The following CSMD2 variants were observed in gnomAD, a reference collection of about 807,000 sequenced individuals.
The protein encoded by CSMD2 is CUB and Sushi multiple domains 2, also known as CUB and sushi domain-containing protein 2.
Under a neutral mutation model 398.5 loss-of-function variants are expected in CSMD2, and 130 were observed. The observed-to-expected ratio is 0.33, with a 90% CI of 0.28 to 0.38. The LOEUF (loss-of-function observed/expected upper bound fraction) is 0.38. Among genes scored for constraint, CSMD2 ranks in the 10% least tolerant of loss-of-function variants. The pLI is 1.00. For synonymous variants in CSMD2, 1,828 were observed against 1,908.5 expected (o/e 0.96, Z 1.10); for missense variants, 3,829 against 4,764.9 (o/e 0.80, Z 5.78).
At chr1:33,969,037 G>T (rs1174032816) in intron 3 of CSMD2, among the ~76,000 whole-genome samples, 2 of 152,148 alleles carry the variant, frequency 1.3e-5, no homozygotes, top group Non-Finnish European at 2.9e-5. Flanking sequence ...AGTAGGTCCT[G>T]TAAGTCACTC....
Position 33,633,465 on chromosome 1 carries a change from G to A in CSMD2, c.5157C>T (p.Ser1719=). 1 of 1,554,598 alleles carries A rather than the reference G, an allele frequency of 6.4e-7. No individual in the cohort carries two copies. Among genetic ancestry groups the A allele is most frequent in the East Asian group, 2.4e-5 (1 of 41,310 alleles). The change falls in exon 32 of 71, where the codon AGC becomes AGT. Residue 1719 remains serine, a synonymous_variant. Transcript: ENST00000373381. The surrounding 1 kb of genome is among the most constrained non-coding windows in gnomAD (Gnocchi z 5.0). ...NDVVEVHDGH[S]QHSRLLSSLS... ...GGGAGCTGAGGAGCCGCGAGTGCTG[G>A]CTGTGGCCGTCGTGAACCTCCACCA...
chr1:34,017,756 C>T (rs1253920470), intron 3 of CSMD2, among the ~76,000 whole-genome samples: 1 of 152,134 alleles, frequency 6.6e-6, no homozygotes, highest in Non-Finnish European at 1.5e-5. Context: ...CTCCGTAAAA[C>T]AAAACAAAAC....
intron 12 of CSMD2, among the ~76,000 whole-genome samples, chr1:33,782,664 A>T (rs554105627): frequency 6.6e-6 from 1 of 152,170 alleles, no homozygotes. Context: ...GTACCTGATT[A>T]TGACTGAGTA....
chr1:33,921,898 G>A (rs555305523), intron 4 of CSMD2, among the ~76,000 whole-genome samples: 8 of 152,280 alleles, frequency 5.3e-5, no homozygotes, highest in African/African-American at 1.4e-4. Context: ...GGAGATCAGA[G>A]ACAGAGAATG....
intron 6 of CSMD2, among the ~76,000 whole-genome samples, chr1:33,840,464 T>C (rs2125063927): frequency 6.6e-6 from 1 of 152,256 alleles, no homozygotes; most frequent in African/African-American, 2.4e-5. Flanking sequence ...CAGACCTCTG[T>C]TGAAACCCCA....
chr1:33,950,502 A>G (rs1644975427), intron 3 of CSMD2, among the ~76,000 whole-genome samples: 1 of 151,884 alleles, frequency 6.6e-6, no homozygotes, highest in Admixed American at 6.5e-5. Flanking sequence ...TGTAAACTGC[A>G]TAACTATGAA....
At chr1:33,665,111 T>C (rs1478068698) in intron 25 of CSMD2, among the ~76,000 whole-genome samples, 1 of 152,240 alleles carries the variant, frequency 6.6e-6, no homozygotes, top group Non-Finnish European at 1.5e-5. Context: ...GCTTTCAAAT[T>C]CTTTATCCAT....
chr1:33,714,536 A>G lies in CSMD2; in HGVS notation c.3406+51T>C, dbSNP rs553163469. 1.1e-5 allele frequency: 18 copies of G among 1,582,888 alleles called. No individual in the cohort carries two copies. The African/African-American group carries it at 2.3e-4, about 20-fold the overall frequency. On this transcript the variant is annotated intron_variant, in intron 21 of 70. Coordinates refer to ENST00000373381, the MANE Select transcript of CSMD2 (RefSeq NM_001281956.2). ...CCACCACCTCACATCAATTGACTAT[A>G]ATCTGTCCCACCCCATTAGTGAAGC...
intron 27 of CSMD2, among the ~76,000 whole-genome samples, chr1:33,655,308 T>C (rs1303734495): frequency 6.6e-6 from 1 of 152,230 alleles, no homozygotes; most frequent in Non-Finnish European, 1.5e-5. Context: ...TGAGCCTCTA[T>C]TTCCTCATCT....
At chr1:34,131,987 C>T (rs1424851562) in intron 1 of CSMD2, among the ~76,000 whole-genome samples, 1 of 152,098 alleles carries the variant, frequency 6.6e-6, no homozygotes, top group Admixed American at 6.5e-5. Context: ...GGATTCCAAC[C>T]TCTCATGGGC....
chr1:33,830,327 A>C (rs1659382245), intron 6 of CSMD2, among the ~76,000 whole-genome samples: 1 of 152,162 alleles, frequency 6.6e-6, no homozygotes, highest in South Asian at 2.1e-4. Context: ...CAGAGGAATA[A>C]TCAGACAGCA....
At chr1:34,094,077 A>G (rs974139757) in intron 1 of CSMD2, among the ~76,000 whole-genome samples, 272 of 152,344 alleles carry the variant, frequency 1.8e-3, no homozygotes, top group African/African-American at 6.2e-3. Context: ...AAACCCTACA[A>G]GCCAGAAGAG....
At chr1:33,718,134 G>A (rs1348008049) in intron 19 of CSMD2, among the ~76,000 whole-genome samples, 1 of 152,164 alleles carries the variant, frequency 6.6e-6, no homozygotes, top group African/African-American at 2.4e-5. Context: ...CTAGTATGTG[G>A]TAGAGCTAGG....
chr1:33,785,551 T>A (rs1439585960), intron 12 of CSMD2, among the ~76,000 whole-genome samples: 2 of 152,172 alleles, frequency 1.3e-5, no homozygotes, highest in Non-Finnish European at 2.9e-5. Context: ...TTGTAAGCAA[T>A]GAATGAGATG....
chr1:33,611,002 G>A, intron 41 of CSMD2, 39 bp downstream of exon 41: 2 of 1,582,694 alleles, frequency 1.3e-6, no homozygotes, highest in Non-Finnish European at 1.7e-6. Context: ...AAGAGATGGA[G>A]ATAGACAGAG....
chr1:33,526,306 C>A (rs964340161), intron 65 of CSMD2, among the ~76,000 whole-genome samples: 6 of 152,272 alleles, frequency 3.9e-5, no homozygotes, highest in Admixed American at 3.9e-4. Flanking sequence ...CAAATGAAGT[C>A]AGACAGACCC....
chr1:33,701,358 T>G (rs1258547456), intron 22 of CSMD2, among the ~76,000 whole-genome samples: 2 of 152,236 alleles, frequency 1.3e-5, no homozygotes, highest in African/African-American at 4.8e-5. Context: ...CCTGAACTTC[T>G]TAGTACCAGC....
chr1:33,912,362 C>G (rs1643495151), intron 5 of CSMD2, among the ~76,000 whole-genome samples: 1 of 152,126 alleles, frequency 6.6e-6, no homozygotes, highest in African/African-American at 2.4e-5. Context: ...AGGATCTACA[C>G]AGAAATCCCA....
intron 1 of CSMD2, among the ~76,000 whole-genome samples, chr1:34,131,562 G>A (rs369190702): frequency 6.6e-6 from 1 of 152,032 alleles, no homozygotes; most frequent in Non-Finnish European, 1.5e-5. Flanking sequence ...CTAGCTTGAG[G>A]GGGGCTTACT....
Sources: gnomAD v4.1 joint callset for allele counts (sites outside exome capture counted in the v4.1 genomes callset) on GRCh38, gnomAD v4.1.1 for gene constraint, Gnocchi (gnomAD v3.1) non-coding constraint, MANE v1.5 for transcripts, NCBI Gene and HGNC (gene_info 2026-07-23, HGNC 2026-07-21) for gene names.